ACAD11: variants seen among roughly 807,000 people sequenced by gnomAD.
ACAD11 encodes acyl-CoA dehydrogenase family member 11, also known as acyl-Coenzyme A dehydrogenase family, member 11.
In ACAD11, 83 loss-of-function variants were observed where a neutral mutation model predicts 102.2. That is an observed-to-expected ratio of 0.81 (90% CI 0.68 to 0.97). ACAD11 has a LOEUF of 0.97. ACAD11 is among the 50% of genes least tolerant of loss of function. ACAD11 has a pLI of 0.00. For synonymous variants in ACAD11, 324 were observed against 319.8 expected, an observed-to-expected ratio of 1.01 and a Z score of -0.14; for missense variants, 901 against 951.7, an observed-to-expected ratio of 0.95 and a Z score of 0.70.
In ACAD11 at chr3:132,659,689, G is replaced by A. The variant is rs962159156; in HGVS notation, c.63C>T (p.Asp21=). The part of the protein sequence containing the change: ...LAEVLPQHKF[D]SKSLEAYLNQ... Reference sequence around the variant, plus strand: ...TTAGGTAGGCCTCCAGGGACTTGCTGTCGAACTTGTGCTGGGGCAGCACTT... The same window carrying A: ...TTAGGTAGGCCTCCAGGGACTTGCTATCGAACTTGTGCTGGGGCAGCACTT... Residue 21 remains aspartate (D), a synonymous_variant, in exon 1 of 20, where the codon GAC becomes GAT. Transcript: ENST00000264990. 4 of 1,611,838 alleles carry A rather than the reference G, an allele frequency of 2.5e-6. No individual in the cohort carries two copies. The highest frequency in any genetic ancestry group is 3.4e-6 in the Non-Finnish European group (4 of 1,178,994).
At chr3:132,638,968 T>C (rs1940377628) in intron 5 of ACAD11, among the ~76,000 whole-genome samples, 1 of 152,216 alleles carries the variant, frequency 6.6e-6, no homozygotes, top group Non-Finnish European at 1.5e-5. Flanking sequence ...CAGCTTTCAT[T>C]TGTTTATACT....
At chr3:132,631,656 A>C (rs952782058) in intron 5 of ACAD11, among the ~76,000 whole-genome samples, 177 bp from the exon 6 acceptor site, 2 of 152,218 alleles carry the variant, frequency 1.3e-5, no homozygotes, top group African/African-American at 2.4e-5. Flanking sequence ...GATTATATAG[A>C]GCTAAGTCCT....
chr3:132,610,470 C>T (rs184930083), intron 11 of ACAD11, among the ~76,000 whole-genome samples: 7 of 151,970 alleles, frequency 4.6e-5, no homozygotes, highest in African/African-American at 7.2e-5. Flanking sequence ...ATTGATAGAC[C>T]GCTAGCAAGA....
At position 132,577,005 on chromosome 3, in the gene ACAD11, A is replaced by C; in HGVS notation, c.1785T>G (p.His595Gln). 6.2e-7 allele frequency: 1 copy of C among 1,602,828 alleles called. No individual in the cohort carries two copies. Among genetic ancestry groups the C allele is most frequent in the Non-Finnish European group, 8.5e-7 (1 of 1,170,958 alleles). Residue 595 changes from histidine (H) to glutamine (Q), a missense_variant, in exon 16 of 20, where the codon CAT becomes CAG. His to Gln is a conservative substitution (Grantham distance 24). Coordinates refer to ENST00000264990, the MANE Select transcript of ACAD11 (RefSeq NM_032169.5). ...LSVFGYTDNF[H>Q]GGHFEIHFNQ... ...TAAAATGGATCTCAAAATGTCCTCCATGAAAATTATCTATAAAATAGAAAA... is the reference window on the plus strand; with the variant it reads ...TAAAATGGATCTCAAAATGTCCTCCCTGAAAATTATCTATAAAATAGAAAA...
intron 17 of ACAD11, among the ~76,000 whole-genome samples, chr3:132,570,074 T>A (rs1158904693): frequency 6.6e-6 from 1 of 152,230 alleles, no homozygotes; most frequent in Non-Finnish European, 1.5e-5. Context: ...TTGTTTAGCT[T>A]AGAAAACATT....
chr3:132,595,456 A>G (rs1938259723), intron 13 of ACAD11, among the ~76,000 whole-genome samples: 1 of 152,174 alleles, frequency 6.6e-6, no homozygotes, highest in Admixed American at 6.5e-5. Flanking sequence ...GACAAATGGG[A>G]CCTAATTAAA....
chr3:132,618,511 TA>T, intron 11 of ACAD11, 122 bp downstream of exon 11: 2 of 942,150 alleles, frequency 2.1e-6, no homozygotes, highest in Non-Finnish European at 2.9e-6. Context: ...AACTGAAAAG[TA>T]AAATTATAGC....
intron 1 of ACAD11, among the ~76,000 whole-genome samples, chr3:132,654,908 G>C (rs762991189): frequency 2.0e-5 from 3 of 152,178 alleles, no homozygotes; most frequent in African/African-American, 7.2e-5. Context: ...ATTTGAACCC[G>C]ATAGGACACA....
At chr3:132,610,712 G>C (rs1002640290) in intron 11 of ACAD11, among the ~76,000 whole-genome samples, 1 of 152,132 alleles carries the variant, frequency 6.6e-6, no homozygotes, top group Non-Finnish European at 1.5e-5. Context: ...AACAGGCTCT[G>C]AAATTGAGGC....
chr3:132,571,618 G>A (rs1296990117), intron 17 of ACAD11, among the ~76,000 whole-genome samples: 7 of 151,958 alleles, frequency 4.6e-5, no homozygotes. Context: ...GTCTTCCAGG[G>A]TTTTTATAGT....
intron 11 of ACAD11, among the ~76,000 whole-genome samples, chr3:132,616,471 A>G (rs1241693820): frequency 1.3e-5 from 2 of 152,240 alleles, no homozygotes; most frequent in South Asian, 4.1e-4. Flanking sequence ...AAAAAATGAA[A>G]TAGAACAAAA....
Position 132,641,698 on chromosome 3 carries a change from G to GGAAGAA in ACAD11, c.537+268_537+273dup, listed in dbSNP as rs199597510. Among the ~76,000 whole-genome samples, 824 of 116,636 alleles carry GGAAGAA rather than the reference G, an allele frequency of 7.1e-3. 6 individuals carry two copies. The highest frequency in any genetic ancestry group is 0.01 in the Admixed American group (129 of 12,482). The allele number at this position is 116,636 out of a possible 152,430, so 76.5% of individuals were successfully genotyped here. On this transcript the variant is annotated intron_variant, in intron 4 of 19. Transcript: ENST00000264990. ...AGGAAGAGGAAGAGGAAGAGGAAGA[G>GGAAGAA]GAAGAAGAAGAAGAAGAAGAAGAAG... is the stretch of plus-strand genomic sequence containing the variant.
intron 11 of ACAD11, among the ~76,000 whole-genome samples, chr3:132,607,640 T>C (rs1045981880): frequency 9.2e-5 from 14 of 152,104 alleles, no homozygotes; most frequent in African/African-American, 2.9e-4. Flanking sequence ...AGACCAAACC[T>C]AGGTTTGACT....
At chr3:132,656,290 T>C (rs898812886) in intron 1 of ACAD11, among the ~76,000 whole-genome samples, 2 of 152,206 alleles carry the variant, frequency 1.3e-5, no homozygotes, top group African/African-American at 4.8e-5. Flanking sequence ...TGAACATCTT[T>C]GTAGATTGTC....
At chr3:132,585,648 AAAAC>A (rs1350895013) in intron 13 of ACAD11, among the ~76,000 whole-genome samples, 59 of 152,348 alleles carry the variant, frequency 3.9e-4, no homozygotes, top group African/African-American at 1.2e-3. Flanking sequence ...TTACAAGAAA[AAAAC>A]AAACAACCCC....
chr3:132,655,271 A>C (rs1937722871), intron 1 of ACAD11, among the ~76,000 whole-genome samples: 1 of 152,124 alleles, frequency 6.6e-6, no homozygotes, highest in Admixed American at 6.5e-5. Context: ...TGGCCCCTTC[A>C]GTCAACTCTC....
At chr3:132,565,595 T>A (rs1043564243) in intron 17 of ACAD11, among the ~76,000 whole-genome samples, 3 of 152,198 alleles carry the variant, frequency 2.0e-5, no homozygotes, top group Non-Finnish European at 4.4e-5. Flanking sequence ...AATTAATTTT[T>A]AAAAAATAAA....
intron 13 of ACAD11, chr3:132,597,313 G>A (rs1938355259): frequency 6.6e-6 from 1 of 151,942 alleles, no homozygotes; most frequent in African/African-American, 2.4e-5. Flanking sequence ...CCTCTCTGCC[G>A]ACTACAACAG....
At chr3:132,563,762 A>C (rs1937133675) in intron 17 of ACAD11, among the ~76,000 whole-genome samples, 1 of 152,050 alleles carries the variant, frequency 6.6e-6, no homozygotes, top group South Asian at 2.1e-4. Flanking sequence ...CCCCAACTAC[A>C]TGCACTTTTT....
Sources: allele counts gnomAD v4.1 joint callset (sites outside exome capture counted in the v4.1 genomes callset), GRCh38; gene constraint gnomAD v4.1.1; transcripts MANE v1.5; gene names NCBI Gene and HGNC (gene_info 2026-07-23, HGNC 2026-07-21).